PLA2G6: variants seen among roughly 807,000 people sequenced by gnomAD.
PLA2G6 encodes phospholipase A2 group VI, also known as 85/88 kDa calcium-independent phospholipase A2.
A neutral mutation model predicts 83.8 loss-of-function variants in PLA2G6; 62 were observed. The observed-to-expected ratio is 0.74, with a 90% confidence interval of 0.60 to 0.91. The LOEUF (loss-of-function observed/expected upper bound fraction) is 0.91, where lower values mean the gene tolerates loss of function less well. Ranked by LOEUF, PLA2G6 falls within the 40% of genes least tolerant of loss-of-function variation. PLA2G6 has a pLI of 0.00. For synonymous variants in PLA2G6, 417 were observed against 449.8 expected, an observed-to-expected ratio of 0.93 and a Z score of 0.92; for missense variants, 944 against 1,102.0, an observed-to-expected ratio of 0.86 and a Z score of 2.03.
intron 11 of PLA2G6, 160 bp from the exon 12 acceptor site, chr22:38,121,069 C>A: frequency 1.5e-6 from 1 of 682,964 alleles, no homozygotes; most frequent in East Asian, 2.7e-5. Flanking sequence ...TGCAACCTCC[C>A]AGACAGACAG....
intron 3 of PLA2G6, chr22:38,144,113 T>C (rs908223616): frequency 1.3e-5 from 2 of 155,534 alleles, no homozygotes; most frequent in African/African-American, 4.8e-5. Flanking sequence ...TCAGAGGAGG[T>C]GTGGCTACCT....
intron 1 of PLA2G6, 52 bp from the exon 2 acceptor site, chr22:38,169,523 C>A (rs11570603): frequency 3.9e-6 from 4 of 1,022,596 alleles, no homozygotes; most frequent in African/African-American, 3.2e-5. Context: ...CCATGCCCAT[C>A]TCACCCAGTG....
intron 2 of PLA2G6, 171 bp from the exon 3 acceptor site, chr22:38,145,824 C>G: frequency 1.5e-6 from 1 of 660,450 alleles, no homozygotes. Flanking sequence ...CACACACACA[C>G]ACACACACAC....
chr22:38,142,822 GAACT>G, intron 4 of PLA2G6: 1 of 470,308 alleles, frequency 2.1e-6, no homozygotes, highest in Non-Finnish European at 3.9e-6. Context: ...AAGTGGAACT[GAACT>G]AACTGACTGG....
chr22:38,160,541 G>C (rs2089968304), intron 2 of PLA2G6, among the ~76,000 whole-genome samples: 2 of 152,190 alleles, frequency 1.3e-5, no homozygotes, highest in South Asian at 4.1e-4. Context: ...TAACAAAGAA[G>C]CCAGATAGAA....
At chr22:38,166,645 C>T (rs2090226155) in intron 2 of PLA2G6, among the ~76,000 whole-genome samples, 1 of 152,136 alleles carries the variant, frequency 6.6e-6, no homozygotes, top group South Asian at 2.1e-4. Context: ...AGAAGAATAG[C>T]TTGAACCCAG....
intron 11 of PLA2G6, 113 bp from the exon 12 acceptor site, chr22:38,121,022 C>T (rs1477945646): frequency 1.1e-5 from 15 of 1,330,778 alleles, no homozygotes; most frequent in Admixed American, 5.4e-5. Flanking sequence ...GCGGGTTTAC[C>T]GAGGCCTAAG....
At chr22:38,148,179 G>C in intron 2 of PLA2G6, 1 of 312,944 alleles carries the variant, frequency 3.2e-6, no homozygotes. Flanking sequence ...GGAATGGAGG[G>C]AACCAAGGCC....
At chr22:38,116,597 G>A (rs897442845) in intron 12 of PLA2G6, among the ~76,000 whole-genome samples, 9 of 152,142 alleles carry the variant, frequency 5.9e-5, no homozygotes, top group African/African-American at 1.2e-4. Flanking sequence ...GCTCATGTCT[G>A]TAATCCCAGC....
At chr22:38,181,183 G>A (rs2090832463) in intron 1 of PLA2G6, among the ~76,000 whole-genome samples, 1 of 152,102 alleles carries the variant, frequency 6.6e-6, no homozygotes, top group South Asian at 2.1e-4. Flanking sequence ...GATTAGGGGT[G>A]GGAGACTCTG....
At chr22:38,173,906 G>C (rs2090530395) in intron 1 of PLA2G6, among the ~76,000 whole-genome samples, 1 of 152,052 alleles carries the variant, frequency 6.6e-6, no homozygotes, top group Admixed American at 6.6e-5. Context: ...AATAAAATTA[G>C]CTGGGCATGG....
At chr22:38,175,253 C>A (rs974831466) in intron 1 of PLA2G6, among the ~76,000 whole-genome samples, 1 of 152,188 alleles carries the variant, frequency 6.6e-6, no homozygotes, top group Non-Finnish European at 1.5e-5. Context: ...CCAGCTGCCC[C>A]CTCTGAATGC....
intron 1 of PLA2G6, among the ~76,000 whole-genome samples, chr22:38,170,270 G>C (rs1209893068): frequency 6.6e-6 from 1 of 151,170 alleles, no homozygotes; most frequent in Non-Finnish European, 1.5e-5. Flanking sequence ...CCCCCTCCTA[G>C]ATACCAAAAG....
chr22:38,177,031 T>A (rs921078231), intron 1 of PLA2G6, among the ~76,000 whole-genome samples: 1 of 123,508 alleles, frequency 8.1e-6, no homozygotes, highest in Non-Finnish European at 1.6e-5. Flanking sequence ...GATGACAAAG[T>A]GAGACTGTCT....
chr22:38,116,780 G>A (rs1037063324), intron 12 of PLA2G6, among the ~76,000 whole-genome samples: 10 of 144,694 alleles, frequency 6.9e-5, no homozygotes, highest in African/African-American at 2.5e-4. Context: ...GAACCCAGGA[G>A]GCAGAGGTTG....
intron 2 of PLA2G6, among the ~76,000 whole-genome samples, chr22:38,152,447 T>C (rs1404355592): frequency 6.6e-6 from 1 of 152,078 alleles, no homozygotes; most frequent in East Asian, 1.9e-4. Flanking sequence ...CCTCAGGTGA[T>C]CCACTCGCCT....
chr22:38,129,622 G>A, intron 7 of PLA2G6, 60 bp from the exon 8 acceptor site: 1 of 1,290,192 alleles, frequency 7.8e-7, no homozygotes, highest in Non-Finnish European at 1.1e-6. Flanking sequence ...GAACAAAGGG[G>A]CCCCTGGCTG....
intron 2 of PLA2G6, among the ~76,000 whole-genome samples, chr22:38,162,227 A>G (rs1301889941): frequency 3.3e-5 from 5 of 151,620 alleles, no homozygotes; most frequent in Admixed American, 6.6e-5. Context: ...AAAAAAGAAA[A>G]AAAAAAAAAA....
rs1469319344 is a variant in PLA2G6, at chr22:38,116,084, G to C, written c.1870C>G (p.Gln624Glu). 3.7e-6 allele frequency: 6 copies of C among 1,614,016 alleles called. No individual in the cohort carries two copies. Among genetic ancestry groups the C allele is most frequent in the Non-Finnish European group, 5.1e-6 (6 of 1,179,976 alleles). ...NQNVNLRPPAQPSDQLVWRAA... is the reference protein window; with the variant it reads ...NQNVNLRPPAEPSDQLVWRAA... ...CAAACATGGTTTAAACCTGAGGGCT[G>C]AGCTGGAGGCCTGAGGTTAACGTTC... is the stretch of plus-strand genomic sequence containing the variant. Residue 624 changes from glutamine (Q) to glutamate (E), a missense_variant, in exon 13 of 17, where the codon CAG becomes GAG. Physicochemically the swap from Gln to Glu is conservative, Grantham distance 29. Coordinates refer to ENST00000332509, the MANE Select transcript of PLA2G6 (RefSeq NM_003560.4).
Sources: gnomAD v4.1 joint callset for allele counts (sites outside exome capture counted in the v4.1 genomes callset) on GRCh38, gnomAD v4.1.1 for gene constraint, MANE v1.5 for transcripts, NCBI Gene and HGNC (gene_info 2026-07-23, HGNC 2026-07-21) for gene names.